The following NLRP8 variants were observed in gnomAD, a reference collection of about 807,000 sequenced individuals.
NLRP8 encodes the protein NLR family pyrin domain containing 8.
In NLRP8, 86 loss-of-function variants were observed where a neutral mutation model predicts 88.7. That is an observed-to-expected ratio of 0.97 (90% CI 0.81 to 1.16). The LOEUF (loss-of-function observed/expected upper bound fraction) is 1.16, where lower values mean the gene tolerates loss of function less well. NLRP8 is among the 50% of genes most tolerant of loss of function. NLRP8 has a pLI of 0.00. For missense variants in NLRP8, 1,342 were observed against 1,286.5 expected (o/e 1.04, Z -0.66); for synonymous variants, 504 against 494.6 (o/e 1.02, Z -0.25).
At chr19:55,986,477 C>CACACAG (rs1568472011) in intron 9 of NLRP8, among the ~76,000 whole-genome samples, 1 of 133,448 alleles carries the variant, frequency 7.5e-6, no homozygotes, top group Non-Finnish European at 1.6e-5. Context: ...CTCACATACA[C>CACACAG]ACACACACAC....
intron 1 of NLRP8, among the ~76,000 whole-genome samples, 175 bp from the exon 2 acceptor site, chr19:55,952,363 C>CTG (rs1979133033): frequency 6.6e-6 from 1 of 152,160 alleles, no homozygotes; most frequent in Non-Finnish European, 1.5e-5. Context: ...CCTAAAATTG[C>CTG]TGTGATAGAG....
At chr19:55,957,077 G>A (rs1979388764) in intron 3 of NLRP8, among the ~76,000 whole-genome samples, 1 of 152,166 alleles carries the variant, frequency 6.6e-6, no homozygotes, top group Admixed American at 6.5e-5. Context: ...ACAGGCATGA[G>A]CCGCTGCGCC....
chr19:55,948,258 G>A lies in NLRP8; in HGVS notation c.356G>A (p.Arg119Lys), dbSNP rs754825632. The A allele has an allele frequency of 1.2e-6, 2 of 1,612,542 alleles. No individual in the cohort carries two copies. The highest frequency in any genetic ancestry group is 1.7e-6 in the Non-Finnish European group (2 of 1,178,772). The change falls in exon 1 of 10, where the codon AGA (arginine) becomes AAA (lysine). Residue 119 changes from arginine to lysine, a missense_variant. Coordinates refer to ENST00000291971, the MANE Select transcript of NLRP8 (RefSeq NM_176811.2). ...GATAAAATGTGTGTTGTAGTCCGCAGAGAGATAAATGGTGAGTGTTGATCT... is the reference window on the plus strand; with the variant it reads ...GATAAAATGTGTGTTGTAGTCCGCAAAGAGATAAATGGTGAGTGTTGATCT...
chr19:55,983,463 CAAAAAAAAA>C (rs3974175), intron 9 of NLRP8, among the ~76,000 whole-genome samples: 2 of 85,328 alleles, frequency 2.3e-5, no homozygotes, highest in African/African-American at 5.0e-5. Context: ...GACTCCATCT[CAAAAAAAAA>C]AAAAAAAAAA....
At chr19:55,978,648 G>A (rs1161173423) in intron 8 of NLRP8, among the ~76,000 whole-genome samples, 2 of 152,082 alleles carry the variant, frequency 1.3e-5, no homozygotes, top group African/African-American at 4.8e-5. Flanking sequence ...ACTCTTATGG[G>A]CCGGCATCGT....
chr19:55,987,814 C>T lies in NLRP8; in HGVS notation c.3048C>T (p.Phe1016=). The change falls in exon 10 of 10, where the codon TTC becomes TTT. Residue 1016 remains phenylalanine, a splice_region_variant and synonymous_variant. Transcript: ENST00000291971. ...GCAGCCTTCCTTTACCTCCCTCCAG[C>T]TGTATTCCTGCCTGGACTCGAATAA... 1 of 1,612,454 alleles carries T rather than the reference C, an allele frequency of 6.2e-7. No homozygotes were observed. Among genetic ancestry groups the T allele is most frequent in the Non-Finnish European group, 8.5e-7 (1 of 1,178,552 alleles).
rs1979342101 is a variant in NLRP8 at position 55,956,024 on chromosome 19, C to T, written c.1966C>T (p.His656Tyr). 6.2e-7 allele frequency: 1 copy of T among 1,614,014 alleles called. No homozygotes were observed. Among genetic ancestry groups the T allele is most frequent in the African/African-American group, 1.3e-5 (1 of 74,908 alleles). Residue 656 changes from histidine (H) to tyrosine (Y), a missense_variant, in exon 3 of 10, where the codon CAT (histidine) becomes TAT (tyrosine). His to Tyr is a moderately conservative substitution (Grantham distance 83, BLOSUM62 2). Coordinates refer to ENST00000291971, the MANE Select transcript of NLRP8 (RefSeq NM_176811.2). Reference sequence around the variant, plus strand: ...TTGCCTGAAGCGGTGTCAATATTTGCATGAGGTGGAACTGACCGTCACCCT... The same window carrying T: ...TTGCCTGAAGCGGTGTCAATATTTGTATGAGGTGGAACTGACCGTCACCCT...
chr19:55,986,022 T>A (rs1433882855), intron 9 of NLRP8, among the ~76,000 whole-genome samples: 1 of 151,894 alleles, frequency 6.6e-6, no homozygotes, highest in Non-Finnish European at 1.5e-5. Context: ...AATAAATACA[T>A]GGGACTTTAT....
chr19:55,970,302 ATAGT>A (rs1279823020), intron 5 of NLRP8, among the ~76,000 whole-genome samples: 4 of 152,268 alleles, frequency 2.6e-5, no homozygotes, highest in African/African-American at 9.6e-5. Flanking sequence ...CTGAATGGAA[ATAGT>A]TAGAGCTCAG....
chr19:55,958,598 C>T (rs1416890500), intron 3 of NLRP8, among the ~76,000 whole-genome samples: 1 of 152,134 alleles, frequency 6.6e-6, no homozygotes, highest in Non-Finnish European at 1.5e-5. Context: ...CACACTGCCG[C>T]GGCAGGACTG....
rs770696736 is a variant in NLRP8 at position 55,973,716 on chromosome 19, A to G, written c.2599A>G (p.Lys867Glu). The change falls in exon 7 of 10, where the codon AAG becomes GAG. Residue 867 changes from lysine to glutamate, a missense_variant. By Grantham distance (56) the Lys-to-Glu change is moderately conservative. Coordinates refer to ENST00000291971, the MANE Select transcript of NLRP8 (RefSeq NM_176811.2). Reference sequence around the variant, plus strand: ...CCTTGCCTCCTGTCTCAGGCAGAGTAAGATGCTGACCCACCTGAGCTTGGC... The same window carrying G: ...CCTTGCCTCCTGTCTCAGGCAGAGTGAGATGCTGACCCACCTGAGCTTGGC... 8 of 1,614,040 alleles carry G rather than the reference A, an allele frequency of 5.0e-6. No individual in the cohort carries two copies. The Admixed American group carries it at 5.0e-5, about 10-fold the overall frequency.
In NLRP8 at chr19:55,976,080, T is replaced by C. The variant is rs199475845; in HGVS notation, c.2706-53T>C. On this transcript the variant is annotated intron_variant, in intron 7 of 9. Coordinates refer to ENST00000291971, the MANE Select transcript of NLRP8 (RefSeq NM_176811.2). ...GGTGTTTTCGTTGTTGTTGTTGTTG[T>C]TGTTTTGTTGTAGTTGTTGTTGTTG... is the stretch of plus-strand genomic sequence containing the variant. 118 of 1,374,446 alleles carry C rather than the reference T, an allele frequency of 8.6e-5. No individual in the cohort carries two copies. In the African/African-American group the frequency reaches 1.7e-3, roughly 20 times the overall value. 85.1% of individuals were successfully genotyped at this position (1,374,446 alleles called of 1,614,324 possible). A position where few individuals can be genotyped will look rare whatever the true frequency, so the allele number is the denominator to read the frequency against.
chr19:55,950,280 G>T (rs1005735725), intron 1 of NLRP8, among the ~76,000 whole-genome samples: 14 of 150,700 alleles, frequency 9.3e-5, no homozygotes, highest in Non-Finnish European at 1.9e-4. Flanking sequence ...ATAGCCGGGC[G>T]TGGTGACGGG....
intron 8 of NLRP8, among the ~76,000 whole-genome samples, chr19:55,977,387 T>C: frequency 7.0e-6 from 1 of 141,884 alleles, no homozygotes; most frequent in Non-Finnish European, 1.5e-5. Flanking sequence ...ATATATAAAA[T>C]AAATACGAAT....
intron 8 of NLRP8, among the ~76,000 whole-genome samples, chr19:55,977,682 G>A (rs1043180575): frequency 1.3e-5 from 2 of 151,296 alleles, no homozygotes; most frequent in Non-Finnish European, 2.9e-5. Flanking sequence ...GTTACCTTAA[G>A]TATTTGGAAA....
intron 8 of NLRP8, among the ~76,000 whole-genome samples, chr19:55,977,347 AAT>A (rs1257272439): frequency 6.9e-6 from 1 of 145,418 alleles, no homozygotes; most frequent in Non-Finnish European, 1.5e-5. Flanking sequence ...ACATATAAGC[AAT>A]ATATTATTTA....
At chr19:55,958,902 G>A (rs573625461) in intron 3 of NLRP8, among the ~76,000 whole-genome samples, 5 of 150,910 alleles carry the variant, frequency 3.3e-5, no homozygotes, top group South Asian at 2.1e-4. Flanking sequence ...GTTTTGAGAC[G>A]GAGTCTCATT....
chr19:55,978,515 T>C (rs1980442553), intron 8 of NLRP8, among the ~76,000 whole-genome samples: 1 of 152,130 alleles, frequency 6.6e-6, no homozygotes, highest in Non-Finnish European at 1.5e-5. Flanking sequence ...AGTGAGTCAC[T>C]GAGCATGCTG....
chr19:55,956,307 A>T (rs982344105), intron 3 of NLRP8, among the ~76,000 whole-genome samples: 6 of 152,016 alleles, frequency 3.9e-5, no homozygotes, highest in African/African-American at 1.4e-4. Context: ...GCAGTGGTGC[A>T]ATCTCAGCTC....
Sources: allele counts gnomAD v4.1 joint callset (sites outside exome capture counted in the v4.1 genomes callset), GRCh38; gene constraint gnomAD v4.1.1; transcripts MANE v1.5; gene names NCBI Gene and HGNC (gene_info 2026-07-23, HGNC 2026-07-21).